Variants in PRKN observed in about 807,000 individuals in gnomAD.
The protein encoded by PRKN is parkin RBR E3 ubiquitin protein ligase, also known as E3 ubiquitin-protein ligase parkin.
A neutral mutation model predicts 59.5 loss-of-function variants in PRKN; 56 were observed. The ratio of observed to expected loss-of-function variants is 0.94; its 90% CI spans 0.76 to 1.18. PRKN has a LOEUF of 1.18. PRKN is among the 50% of genes most tolerant of loss of function. PRKN has a pLI of 0.00. For synonymous variants in PRKN, 250 were observed against 222.1 expected, an observed-to-expected ratio of 1.13 and a Z score of -1.12; for missense variants, 657 against 596.4, an observed-to-expected ratio of 1.10 and a Z score of -1.06.
At chr6:162,637,797 A>G (rs1583957385) in intron 1 of PRKN, among the ~76,000 whole-genome samples, 1 of 152,324 alleles carries the variant, frequency 6.6e-6, no homozygotes, top group East Asian at 1.9e-4. Context: ...GAACTTCTTT[A>G]AAAGTCACTA....
chr6:162,404,130 G>T (rs1191229322), intron 2 of PRKN, among the ~76,000 whole-genome samples: 1 of 152,008 alleles, frequency 6.6e-6, no homozygotes, highest in Non-Finnish European at 1.5e-5. Context: ...CCAGCACTTT[G>T]GGAGGCTGAG....
intron 1 of PRKN, among the ~76,000 whole-genome samples, chr6:162,485,031 A>G (rs1792479589): frequency 6.6e-6 from 1 of 152,214 alleles, no homozygotes; most frequent in South Asian, 2.1e-4. Context: ...ATCAGTAATT[A>G]TTAATGTGAA....
intron 5 of PRKN, among the ~76,000 whole-genome samples, chr6:162,011,481 T>TTATAATATA (rs1165440414): frequency 6.2e-5 from 1 of 16,082 alleles, no homozygotes; most frequent in Non-Finnish European, 1.1e-4. Flanking sequence ...ATATAATATA[T>TTATAATATA]TATAATATAT....
At chr6:161,464,019 A>G (rs1790332462) in intron 9 of PRKN, among the ~76,000 whole-genome samples, 1 of 151,828 alleles carries the variant, frequency 6.6e-6, no homozygotes, top group African/African-American at 2.4e-5. Flanking sequence ...CTGAAGTGCA[A>G]TGGTGTGATC....
chr6:161,605,175 G>T (rs1310080844), intron 7 of PRKN, among the ~76,000 whole-genome samples: 3 of 152,108 alleles, frequency 2.0e-5, no homozygotes, highest in Non-Finnish European at 4.4e-5. Context: ...CAAAGGATCT[G>T]TGTACCATCC....
At chr6:161,479,572 C>G (rs964740141) in intron 9 of PRKN, among the ~76,000 whole-genome samples, 4 of 152,188 alleles carry the variant, frequency 2.6e-5, no homozygotes, top group Non-Finnish European at 5.9e-5. Flanking sequence ...GGATTTAATC[C>G]TGACGCTGCA....
At chr6:162,688,916 G>T (rs1483205796) in intron 1 of PRKN, among the ~76,000 whole-genome samples, 4 of 152,112 alleles carry the variant, frequency 2.6e-5, no homozygotes, top group African/African-American at 9.7e-5. Flanking sequence ...GAACCATAAA[G>T]CTTAGCTTGA....
At chr6:161,908,018 C>T (rs968172714) in intron 6 of PRKN, among the ~76,000 whole-genome samples, 33 of 152,040 alleles carry the variant, frequency 2.2e-4, no homozygotes, top group African/African-American at 8.0e-4. Context: ...GCAAAGGTTG[C>T]CGTGAGTCAA....
chr6:161,778,941 GTTAT>G (rs1319452625), intron 7 of PRKN, among the ~76,000 whole-genome samples: 2 of 151,940 alleles, frequency 1.3e-5, no homozygotes, highest in African/African-American at 4.8e-5. Context: ...ATTAATATAT[GTTAT>G]TTATTTATTT....
chr6:162,437,767 C>CT (rs1426902174), intron 2 of PRKN, among the ~76,000 whole-genome samples: 8 of 152,284 alleles, frequency 5.3e-5, no homozygotes, highest in African/African-American at 1.7e-4. Context: ...CAGTCGGCTC[C>CT]TTTTTTACTG....
chr6:161,438,851 T>C (rs1886239), intron 9 of PRKN, among the ~76,000 whole-genome samples: 1,553 of 152,268 alleles, frequency 0.01, 28 homozygotes, highest in African/African-American at 0.035. Flanking sequence ...GAGTATGCCT[T>C]TTACTGAAAG....
intron 6 of PRKN, among the ~76,000 whole-genome samples, chr6:161,901,670 C>T (rs1777921264): frequency 6.6e-6 from 1 of 152,084 alleles, no homozygotes; most frequent in Non-Finnish European, 1.5e-5. Context: ...GGGAGAAGGA[C>T]ATAAAAATGT....
chr6:161,785,650 G>T, intron 7 of PRKN, 122 bp downstream of exon 7: 1 of 933,646 alleles, frequency 1.1e-6, no homozygotes, highest in Non-Finnish European at 1.7e-6. Context: ...TTCATATCCA[G>T]CAATGATCAA....
At chr6:161,443,098 G>A (rs989021405) in intron 9 of PRKN, among the ~76,000 whole-genome samples, 33 of 151,994 alleles carry the variant, frequency 2.2e-4, no homozygotes, top group African/African-American at 7.2e-4. Flanking sequence ...ACCTGAGGTC[G>A]GGAGTTCGAG....
chr6:162,692,570 A>AC (rs66507325), intron 1 of PRKN, among the ~76,000 whole-genome samples: 64,104 of 149,988 alleles, frequency 0.43, 13,984 homozygotes, highest in East Asian at 0.64. Context: ...TACAAGACAG[A>AC]CCCCCCCCAA....
chr6:161,565,642 C>G (rs1387583600), intron 8 of PRKN, among the ~76,000 whole-genome samples: 1 of 152,156 alleles, frequency 6.6e-6, no homozygotes, highest in East Asian at 1.9e-4. Flanking sequence ...TGTAAGTTTC[C>G]TGAGGCCTCC....
At chr6:162,478,000 GCAGGGTCCTAGAGCA>G (rs952817395) in intron 1 of PRKN, among the ~76,000 whole-genome samples, 3 of 152,066 alleles carry the variant, frequency 2.0e-5, no homozygotes, top group Admixed American at 2.0e-4. Context: ...GTCCTAAAGC[GCAGGGTCCTAGAGCA>G]CAGGGTCCTA....
intron 3 of PRKN, among the ~76,000 whole-genome samples, chr6:162,222,901 G>A (rs1250924339): frequency 3.3e-5 from 5 of 151,758 alleles, no homozygotes; most frequent in African/African-American, 9.7e-5. Flanking sequence ...TGCACAATGT[G>A]CAGGTTAGTT....
intron 6 of PRKN, among the ~76,000 whole-genome samples, chr6:161,910,380 G>A (rs889503134): frequency 5.9e-5 from 9 of 151,896 alleles, no homozygotes; most frequent in Non-Finnish European, 8.8e-5. Flanking sequence ...TCAGCCTCTC[G>A]AGTAGCTGGG....
Sources: allele counts gnomAD v4.1 joint callset (sites outside exome capture counted in the v4.1 genomes callset), GRCh38; gene constraint gnomAD v4.1.1; transcripts MANE v1.5; gene names NCBI Gene and HGNC (gene_info 2026-07-23, HGNC 2026-07-21).